The following ICA1 variants were observed in gnomAD, a reference collection of about 807,000 sequenced individuals.
The protein encoded by ICA1 is islet cell autoantigen 1.
In ICA1, 40 loss-of-function variants were observed where a neutral mutation model predicts 71.0. That is an observed-to-expected ratio of 0.56 (90% CI 0.44 to 0.73). The LOEUF (loss-of-function observed/expected upper bound fraction) is 0.73, where lower values mean the gene tolerates loss of function less well. Among genes scored for constraint, ICA1 ranks in the 30% least tolerant of loss-of-function variants. ICA1 has a pLI of 0.00. For missense variants in ICA1, 578 were observed against 576.5 expected, an observed-to-expected ratio of 1.00 and a Z score of -0.03; for synonymous variants, 207 against 209.5, an observed-to-expected ratio of 0.99 and a Z score of 0.10.
chr7:8,139,586 TA>T (rs1343011051), intron 10 of ICA1, among the ~76,000 whole-genome samples: 4 of 152,228 alleles, frequency 2.6e-5, no homozygotes, highest in African/African-American at 9.6e-5. Context: ...TAAGGTCCTA[TA>T]ATGGTAGATA....
intron 13 of ICA1, among the ~76,000 whole-genome samples, chr7:8,124,454 G>GAAAA (rs573367505): frequency 2.6e-5 from 3 of 114,598 alleles, no homozygotes; most frequent in Admixed American, 8.8e-5. Flanking sequence ...TGAATGCAGT[G>GAAAA]AAAAAAAAAA....
At chr7:8,216,831 T>A (rs1194615389) in intron 6 of ICA1, among the ~76,000 whole-genome samples, 3 of 152,238 alleles carry the variant, frequency 2.0e-5, no homozygotes, top group African/African-American at 7.2e-5. Context: ...AACATGGGTA[T>A]CATTTTCCTC....
rs80043483 is a variant in ICA1 at position 8,257,898 on chromosome 7, A to T, written c.-80+4196T>A. On this transcript the variant is annotated intron_variant, in intron 1 of 13. Transcript: ENST00000402384. ...TAGACACTGGGCTCCAGACACGAGG[A>T]CTATTTGTATTAGCATTCTCTCCCT... 8.8e-4 allele frequency among the ~76,000 whole-genome samples: 134 copies of T among 152,244 alleles called. 1 individual carries two copies. The highest frequency in any genetic ancestry group is 3.1e-3 in the African/African-American group (128 of 41,540).
At chr7:8,261,466 C>A (rs767604649) in intron 1 of ICA1, among the ~76,000 whole-genome samples, 47 of 152,272 alleles carry the variant, frequency 3.1e-4, no homozygotes, top group Admixed American at 2.1e-3. Flanking sequence ...TTGCTGGAAC[C>A]GGGGTTGCTT....
intron 8 of ICA1, among the ~76,000 whole-genome samples, chr7:8,150,529 C>A (rs1023339052): frequency 3.9e-5 from 6 of 152,292 alleles, no homozygotes; most frequent in African/African-American, 1.4e-4. Context: ...TTGCTTCAGG[C>A]CTTTCGGCTA....
intron 3 of ICA1, among the ~76,000 whole-genome samples, chr7:8,229,010 A>C (rs1799466784): frequency 6.6e-6 from 1 of 152,188 alleles, no homozygotes; most frequent in South Asian, 2.1e-4. Flanking sequence ...CCAGAGACCC[A>C]ATATTCATTC....
At chr7:8,212,353 C>T (rs1028551465) in intron 6 of ICA1, among the ~76,000 whole-genome samples, 1 of 152,118 alleles carries the variant, frequency 6.6e-6, no homozygotes, top group Non-Finnish European at 1.5e-5. Context: ...TCACTTGAGG[C>T]CAGGAGCTTG....
At chr7:8,147,300 G>T (rs1451956842) in intron 8 of ICA1, among the ~76,000 whole-genome samples, 1 of 152,022 alleles carries the variant, frequency 6.6e-6, no homozygotes, top group African/African-American at 2.4e-5. Context: ...CCCTTCCCCT[G>T]TTGGCCCATT....
intron 1 of ICA1, among the ~76,000 whole-genome samples, chr7:8,256,363 C>T (rs958280842): frequency 6.6e-6 from 1 of 152,068 alleles, no homozygotes; most frequent in African/African-American, 2.4e-5. Context: ...TGGCTCCCTT[C>T]CCCCCAAATC....
chr7:8,242,411 A>C (rs1479419470), intron 1 of ICA1, among the ~76,000 whole-genome samples: 1 of 152,220 alleles, frequency 6.6e-6, no homozygotes, highest in Non-Finnish European at 1.5e-5. Flanking sequence ...GACACATTTA[A>C]AGCAGTGTAT....
At chr7:8,179,200 G>A (rs2128253735) in intron 6 of ICA1, among the ~76,000 whole-genome samples, 1 of 152,290 alleles carries the variant, frequency 6.6e-6, no homozygotes. Flanking sequence ...CCACCAACCT[G>A]GACGCCTGGC....
chr7:8,150,453 A>C (rs1167447171), intron 8 of ICA1, among the ~76,000 whole-genome samples: 1 of 152,266 alleles, frequency 6.6e-6, no homozygotes, highest in Non-Finnish European at 1.5e-5. Flanking sequence ...TCCTCACAAA[A>C]CCCAGTTAAA....
At chr7:8,134,923 A>C (rs1462258019) in intron 12 of ICA1, among the ~76,000 whole-genome samples, 2 of 152,182 alleles carry the variant, frequency 1.3e-5, no homozygotes, top group African/African-American at 4.8e-5. Context: ...CATGATCCCT[A>C]AGCTTGCTAC....
chr7:8,162,752 A>T (rs1416681259), intron 6 of ICA1, among the ~76,000 whole-genome samples: 1 of 151,930 alleles, frequency 6.6e-6, no homozygotes, highest in Non-Finnish European at 1.5e-5. Flanking sequence ...TTATTCTCCA[A>T]GTTGTAGGAA....
chr7:8,227,761 T>C (rs1230422325), intron 4 of ICA1: 1 of 412,942 alleles, frequency 2.4e-6, no homozygotes, highest in African/African-American at 2.1e-5. Flanking sequence ...GTGTTTTTAT[T>C]TTTTGTAGAG....
chr7:8,140,885 G>A (rs887005199), intron 10 of ICA1, among the ~76,000 whole-genome samples: 3 of 152,212 alleles, frequency 2.0e-5, no homozygotes, highest in African/African-American at 7.2e-5. Context: ...GAATGGAGCA[G>A]AGGAGAAGTT....
rs755809399 is a variant in ICA1, at chr7:8,114,056, A to C, written c.1331-12T>G. 6 of 1,614,134 alleles carry C rather than the reference A, an allele frequency of 3.7e-6. No individual in the cohort carries two copies. The South Asian group carries it at 6.6e-5, about 18-fold the overall frequency. On this transcript the variant is annotated splice_polypyrimidine_tract_variant and intron_variant, in intron 13 of 13. Coordinates refer to ENST00000402384, the MANE Select transcript of ICA1 (RefSeq NM_001136020.3). The stretch of plus-strand genomic sequence containing the variant: ...AGCCTTAGCAGGTTCTGGGGAGAGA[A>C]GAGGAAACATGAGCAAACGCACCTT...
intron 1 of ICA1, among the ~76,000 whole-genome samples, chr7:8,242,650 A>T (rs953028764): frequency 6.6e-6 from 1 of 152,222 alleles, no homozygotes; most frequent in Non-Finnish European, 1.5e-5. Context: ...AAGATCAACA[A>T]AATTGATAGA....
intron 2 of ICA1, among the ~76,000 whole-genome samples, chr7:8,235,259 A>C (rs753503962): frequency 6.6e-6 from 1 of 152,230 alleles, no homozygotes; most frequent in Non-Finnish European, 1.5e-5. Flanking sequence ...ATAAAAGTTC[A>C]CAAAGATCTG....
Sources: gnomAD v4.1 joint callset for allele counts (sites outside exome capture counted in the v4.1 genomes callset) on GRCh38, gnomAD v4.1.1 for gene constraint, MANE v1.5 for transcripts, NCBI Gene and HGNC (gene_info 2026-07-23, HGNC 2026-07-21) for gene names.